RABGAP1L: variants seen among roughly 807,000 people sequenced by gnomAD.
The protein encoded by RABGAP1L is RAB GTPase activating protein 1 like, also known as rab GTPase-activating protein 1-like.
RABGAP1L carries 63 observed loss-of-function variants against 137.7 expected under a neutral mutation model. That is an observed-to-expected ratio of 0.46 (90% CI 0.37 to 0.56). The LOEUF is 0.56. Ranked by LOEUF, RABGAP1L falls within the 20% of genes least tolerant of loss-of-function variation. The probability of loss-of-function intolerance (pLI) is 0.00; values close to 1 mark genes in which losing one functional copy is unlikely to be tolerated. For missense variants in RABGAP1L, 1,095 were observed against 1,244.0 expected (o/e 0.88, Z 1.80); for synonymous variants, 431 against 433.7 (o/e 0.99, Z 0.08).
At chr1:174,629,095 T>G (rs570547891) in intron 13 of RABGAP1L, among the ~76,000 whole-genome samples, 1 of 152,300 alleles carries the variant, frequency 6.6e-6, no homozygotes, top group South Asian at 2.1e-4. Flanking sequence ...AAAATTGTTT[T>G]GTTTTCCTTT....
At chr1:174,327,532 A>G (rs1025738179) in intron 11 of RABGAP1L, among the ~76,000 whole-genome samples, 1 of 152,066 alleles carries the variant, frequency 6.6e-6, no homozygotes, top group South Asian at 2.1e-4. Flanking sequence ...ATCAAAACAT[A>G]CTGATAGAGA....
chr1:174,798,603 C>T (rs1460324044), intron 18 of RABGAP1L, among the ~76,000 whole-genome samples: 1 of 133,092 alleles, frequency 7.5e-6, no homozygotes, highest in Non-Finnish European at 1.7e-5. Flanking sequence ...TTTCTTTAAG[C>T]TCATTTTCAT....
At position 174,273,237 on chromosome 1, in the gene RABGAP1L, C is replaced by CT. The variant is rs1274673100; in HGVS notation, c.1053+765dup. The stretch of plus-strand genomic sequence containing the variant: ...AGTTAAACATTACTAATTAGGTCAA[C>CT]TTTTTTTTGAGTAATTTCATGGTAA... On this transcript the variant is annotated intron_variant, in intron 8 of 25. Transcript: ENST00000681986. Among the ~76,000 whole-genome samples the CT allele has an allele frequency of 5.9e-5, 9 of 151,764 alleles. No homozygotes were observed. The South Asian group carries it at 1.7e-3, about 28-fold the overall frequency.
chr1:174,843,224 C>G (rs1443916547), intron 19 of RABGAP1L, among the ~76,000 whole-genome samples: 1 of 131,224 alleles, frequency 7.6e-6, no homozygotes, highest in African/African-American at 2.8e-5. Flanking sequence ...ATGTCACAGT[C>G]TTTTTTTTTT....
At chr1:174,693,751 T>C (rs1679043956) in intron 15 of RABGAP1L, among the ~76,000 whole-genome samples, 1 of 152,220 alleles carries the variant, frequency 6.6e-6, no homozygotes. Context: ...GTGTCTTTTG[T>C]TATGGAGTCC....
At chr1:174,590,422 C>T (rs1190932452) in intron 13 of RABGAP1L, among the ~76,000 whole-genome samples, 1 of 115,610 alleles carries the variant, frequency 8.6e-6, no homozygotes, top group Non-Finnish European at 1.7e-5. Flanking sequence ...CATATGTATA[C>T]ATGTGCCATG....
At position 174,403,182 on chromosome 1, in the gene RABGAP1L, C is replaced by T. The variant is rs16846951; in HGVS notation, c.1710+9037C>T. The stretch of plus-strand genomic sequence containing the variant: ...TTTCTCCCAAATGAATCTTTTCTTT[C>T]GAAAGTGTATGTGGTTATATATGAG... On this transcript the variant is annotated intron_variant, in intron 13 of 25. Coordinates refer to ENST00000681986, the MANE Select transcript of RABGAP1L (RefSeq NM_001366446.1). 2.2e-3 allele frequency among the ~76,000 whole-genome samples: 316 copies of T among 143,526 alleles called. 10 individuals are homozygous for T. The East Asian group carries it at 0.055, about 25-fold the overall frequency. 94.2% of individuals were successfully genotyped at this position (143,526 alleles called of 152,430 possible). A position where few individuals can be genotyped will look rare whatever the true frequency, so the allele number is the denominator to read the frequency against.
chr1:174,218,450 T>C (rs1669505702), intron 1 of RABGAP1L, among the ~76,000 whole-genome samples: 1 of 152,184 alleles, frequency 6.6e-6, no homozygotes, highest in South Asian at 2.1e-4. Context: ...GAGTGTTGTT[T>C]CTATGCTGTA....
intron 1 of RABGAP1L, among the ~76,000 whole-genome samples, chr1:174,200,998 G>A (rs375468636): frequency 2.0e-5 from 3 of 152,174 alleles, no homozygotes; most frequent in East Asian, 1.9e-4. Flanking sequence ...CACCAGGGCC[G>A]TCGTTTTACA....
In RABGAP1L at chr1:174,917,908, G is replaced by C. The variant is rs370284300; in HGVS notation, c.2341-39549G>C. Reference sequence around the variant, plus strand: ...GATCGTGCCACTAGCACTCCAGCCTGGGTGACAGAGTGAGACTCTGTCTTA... The same window carrying C: ...GATCGTGCCACTAGCACTCCAGCCTCGGTGACAGAGTGAGACTCTGTCTTA... On this transcript the variant is annotated intron_variant, in intron 19 of 25. Coordinates refer to ENST00000681986, the MANE Select transcript of RABGAP1L (RefSeq NM_001366446.1). Among the ~76,000 whole-genome samples the C allele has an allele frequency of 1.5e-4, 22 of 151,044 alleles. 1 individual carries two copies. Among genetic ancestry groups the C allele is most frequent in the African/African-American group, 4.9e-4 (20 of 41,128 alleles).
chr1:174,831,487 A>G (rs1394001570), intron 19 of RABGAP1L, among the ~76,000 whole-genome samples: 1 of 148,438 alleles, frequency 6.7e-6, no homozygotes, highest in Non-Finnish European at 1.5e-5. Context: ...AATTGAAAAT[A>G]TGAGAGAACC....
chr1:174,514,276 G>T (rs1463708863), intron 13 of RABGAP1L, among the ~76,000 whole-genome samples: 2 of 150,970 alleles, frequency 1.3e-5, no homozygotes, highest in Non-Finnish European at 3.0e-5. Context: ...AAAAACTGGG[G>T]AGGGATCTTC....
chr1:174,654,401 C>G (rs1300465758), intron 14 of RABGAP1L, among the ~76,000 whole-genome samples: 1 of 152,152 alleles, frequency 6.6e-6, no homozygotes, highest in Non-Finnish European at 1.5e-5. Flanking sequence ...AAAGAGCATT[C>G]TATTTCTATC....
chr1:174,877,587 C>G, intron 19 of RABGAP1L: 1 of 1,613,494 alleles, frequency 6.2e-7, no homozygotes, highest in Non-Finnish European at 8.5e-7. Context: ...TGGTGGCCAT[C>G]AGCAAGCCCA....
At position 174,759,595 on chromosome 1, in the gene RABGAP1L, CA is replaced by C. The variant is rs36043682; in HGVS notation, c.2211+7254del. ...GGGCAACAGAGTGAGACTCTGTCTC[CA>C]AAAAAAAAAAAAGAAAAAAAATGGT... On this transcript the variant is annotated intron_variant, in intron 18 of 25. Transcript: ENST00000681986. Among the ~76,000 whole-genome samples the C allele has an allele frequency of 5.0e-3, 502 of 101,238 alleles. 1 individual carries two copies. Among genetic ancestry groups the C allele is most frequent in the South Asian group, 0.022 (78 of 3,484 alleles). The allele number at this position is 101,238 out of a possible 152,430, so 66.4% of individuals were successfully genotyped here.
At chr1:174,524,551 T>G (rs1235760344) in intron 13 of RABGAP1L, among the ~76,000 whole-genome samples, 1 of 152,190 alleles carries the variant, frequency 6.6e-6, no homozygotes, top group East Asian at 1.9e-4. Context: ...TAATCCCTTG[T>G]TGAATGAATA....
intron 13 of RABGAP1L, among the ~76,000 whole-genome samples, chr1:174,575,626 T>C (rs1049194811): frequency 3.3e-5 from 5 of 152,238 alleles, no homozygotes; most frequent in Non-Finnish European, 7.3e-5. Flanking sequence ...ATTGCATTGC[T>C]CCCTTGTTTG....
intron 13 of RABGAP1L, among the ~76,000 whole-genome samples, chr1:174,537,628 G>A (rs1404305798): frequency 6.6e-6 from 1 of 152,086 alleles, no homozygotes; most frequent in African/African-American, 2.4e-5. Context: ...GCAGGGTGGC[G>A]GGCACCTGTA....
intron 11 of RABGAP1L, among the ~76,000 whole-genome samples, chr1:174,321,988 AT>A (rs57693085): frequency 1.3e-5 from 2 of 151,836 alleles, no homozygotes; most frequent in Non-Finnish European, 2.9e-5. Context: ...ATATTAGACA[AT>A]TTTTTTATCA....
Sources: allele counts gnomAD v4.1 joint callset (sites outside exome capture counted in the v4.1 genomes callset), GRCh38; gene constraint gnomAD v4.1.1; transcripts MANE v1.5; gene names NCBI Gene and HGNC (gene_info 2026-07-23, HGNC 2026-07-21).